C1orf116: variants seen among roughly 807,000 people sequenced by gnomAD.
C1orf116 encodes the protein specifically androgen-regulated gene protein.
A neutral mutation model predicts 14.1 loss-of-function variants in C1orf116; 12 were observed. The observed-to-expected ratio is 0.85, with a 90% CI of 0.54 to 1.38. The LOEUF (loss-of-function observed/expected upper bound fraction) is 1.38, where lower values mean the gene tolerates loss of function less well. Among genes scored for constraint, C1orf116 ranks in the 40% most tolerant of loss-of-function variants. The probability of loss-of-function intolerance (pLI) is 0.00; values close to 1 mark genes in which losing one functional copy is unlikely to be tolerated. For synonymous variants in C1orf116, 296 were observed against 299.0 expected (o/e 0.99, Z 0.10); for missense variants, 797 against 747.0 (o/e 1.07, Z -0.78).
Position 207,019,084 on chromosome 1 carries a change from G to C in C1orf116, c.*2874C>G, listed in dbSNP as rs1296298594. 6.6e-6 allele frequency: 1 copy of C among 152,296 alleles called. No individual in the cohort carries two copies. The highest frequency in any genetic ancestry group is 1.5e-5 in the Non-Finnish European group (1 of 68,096). 9.4% of individuals were successfully genotyped at this position (152,296 alleles called of 1,614,324 possible). A position where few individuals can be genotyped will look rare whatever the true frequency, so the allele number is the denominator to read the frequency against. ...ACAGCAGCCCATCCCCAGCCTACAG[G>C]GCGGCCCCTGCCAGATCATGCTTCC... On this transcript the variant is annotated 3_prime_UTR_variant, in exon 4 of 4. Transcript: ENST00000359470.
At chr1:207,027,714 G>A (rs1347303915) in intron 1 of C1orf116, 35 bp from the exon 2 acceptor site, 9 of 1,489,434 alleles carry the variant, frequency 6.0e-6, no homozygotes, top group East Asian at 4.9e-5. Context: ...CACATGAGCC[G>A]AGGCTTCGGC....
rs370574633 is a variant in C1orf116, at chr1:207,021,927, G to T, written c.*31C>A. The T allele has an allele frequency of 1.1e-5, 17 of 1,482,686 alleles. No individual in the cohort carries two copies. The African/African-American group carries it at 2.0e-4, about 17-fold the overall frequency. 91.8% of individuals were successfully genotyped at this position (1,482,686 alleles called of 1,614,324 possible). On this transcript the variant is annotated 3_prime_UTR_variant, in exon 4 of 4. Transcript: ENST00000359470. Reference sequence around the variant, plus strand: ...TGGAGCATGTGTCTCTTCTTGTTCAGCCAGGACAGGGTCTGTACTGGTCGC... The same window carrying T: ...TGGAGCATGTGTCTCTTCTTGTTCATCCAGGACAGGGTCTGTACTGGTCGC...
At chr1:207,024,841 A>T in intron 3 of C1orf116, 46 bp downstream of exon 3, 3 of 1,591,536 alleles carry the variant, frequency 1.9e-6, no homozygotes, top group East Asian at 4.5e-5. Flanking sequence ...GGACATATTG[A>T]TTTTCTGGGT....
At chr1:207,027,056 G>A (rs945440056) in intron 2 of C1orf116, among the ~76,000 whole-genome samples, 1 of 152,202 alleles carries the variant, frequency 6.6e-6, no homozygotes, top group Non-Finnish European at 1.5e-5. Context: ...CTTATAAGTA[G>A]AGAACTTAAA....
At chr1:207,025,101 CG>C (rs751328900) in intron 2 of C1orf116, 37 bp from the exon 3 acceptor site, 4 of 4,298 alleles carry the variant, frequency 9.3e-4, no homozygotes, top group African/African-American at 3.9e-3. Context: ...GGCGGGGAGG[CG>C]GGGGGGAGGG....
rs1223872168 is a variant in C1orf116, at chr1:207,021,841, T to A, written c.*117A>T. 1 of 1,043,062 alleles carries A rather than the reference T, an allele frequency of 9.6e-7. No individual in the cohort carries two copies. The highest frequency in any genetic ancestry group is 1.6e-5 in the African/African-American group (1 of 63,214). The allele number at this position is 1,043,062 out of a possible 1,614,324, so 64.6% of individuals were successfully genotyped here. A position where few individuals can be genotyped will look rare whatever the true frequency, so the allele number is the denominator to read the frequency against. On this transcript the variant is annotated 3_prime_UTR_variant, in exon 4 of 4. Coordinates refer to ENST00000359470, the MANE Select transcript of C1orf116 (RefSeq NM_023938.6). Reference sequence around the variant, plus strand: ...ACTGAATATAAATGTATGCTTGGACTCAAATCTCTCCCTCCCATTCATCTT... The same window carrying A: ...ACTGAATATAAATGTATGCTTGGACACAAATCTCTCCCTCCCATTCATCTT...
In C1orf116 at chr1:207,022,588, C is replaced by G; in HGVS notation, c.1176G>C (p.Gln392His). The G allele has an allele frequency of 6.2e-7, 1 of 1,614,178 alleles. No homozygotes were observed. The highest frequency in any genetic ancestry group is 8.5e-7 in the Non-Finnish European group (1 of 1,180,034). The change falls in exon 4 of 4, where the codon CAG becomes CAC. Residue 392 changes from glutamine (Q) to histidine (H), a missense_variant. By Grantham distance (24) the Gln-to-His change is conservative. Coordinates refer to ENST00000359470, the MANE Select transcript of C1orf116 (RefSeq NM_023938.6). Reference sequence around the variant, plus strand: ...CTGAGGCCTGGGCTGGAGCTGCAGGCTGAGCCAGACCTGGAGCTGGGGACA... The same window carrying G: ...CTGAGGCCTGGGCTGGAGCTGCAGGGTGAGCCAGACCTGGAGCTGGGGACA... Reference protein sequence around the residue: ...QHLSPAPGLAQPAAPAQASAA... With the variant: ...QHLSPAPGLAHPAAPAQASAA...
rs936873587 is a variant in C1orf116, at chr1:207,019,539, T to C, written c.*2419A>G. ...GAGAAATCCTATGTGGATACACAGATACAATGACCTCAGCTCTGTCTAGCA... is the reference window on the plus strand; with the variant it reads ...GAGAAATCCTATGTGGATACACAGACACAATGACCTCAGCTCTGTCTAGCA... On this transcript the variant is annotated 3_prime_UTR_variant, in exon 4 of 4. Coordinates refer to ENST00000359470, the MANE Select transcript of C1orf116 (RefSeq NM_023938.6). 5 of 152,236 alleles carry C rather than the reference T, an allele frequency of 3.3e-5. No homozygotes were observed. Among genetic ancestry groups the C allele is most frequent in the African/African-American group, 1.2e-4 (5 of 41,460 alleles). 9.4% of individuals were successfully genotyped at this position (152,236 alleles called of 1,614,324 possible).
Position 207,023,182 on chromosome 1 carries a change from G to A in C1orf116, c.582C>T (p.Asp194=), listed in dbSNP as rs145664914. The part of the protein sequence containing the change: ...ASPQEAALDL[D]VVLIPPPEAF... ...CTTCTGGCGGAGGGATGAGCACCAC[G>A]TCCAAGTCAAGGGCAGCCTCCTGGG... is the stretch of plus-strand genomic sequence containing the variant. The change falls in exon 4 of 4, where the codon GAC becomes GAT. Residue 194 remains aspartate (D), a synonymous_variant. Transcript: ENST00000359470. 1.6e-5 allele frequency: 26 copies of A among 1,609,318 alleles called. 1 individual carries two copies. The highest frequency in any genetic ancestry group is 3.3e-4 in the Middle Eastern group (2 of 6,032).
chr1:207,021,931 G>A lies in C1orf116; in HGVS notation c.*27C>T. ...GCATGTGTCTCTTCTTGTTCAGCCA[G>A]GACAGGGTCTGTACTGGTCGCAGAG... On this transcript the variant is annotated 3_prime_UTR_variant, in exon 4 of 4. Coordinates refer to ENST00000359470, the MANE Select transcript of C1orf116 (RefSeq NM_023938.6). The A allele has an allele frequency of 6.7e-7, 1 of 1,490,030 alleles. No individual in the cohort carries two copies. Among genetic ancestry groups the A allele is most frequent in the Middle Eastern group, 1.8e-4 (1 of 5,500 alleles). The allele number at this position is 1,490,030 out of a possible 1,614,324, so 92.3% of individuals were successfully genotyped here. A position where few individuals can be genotyped will look rare whatever the true frequency, so the allele number is the denominator to read the frequency against.
rs952361653 is a variant in C1orf116 at position 207,025,197 on chromosome 1, A to G, written c.106-133T>C. 4.5e-6 allele frequency: 3 copies of G among 663,418 alleles called. No individual in the cohort carries two copies. In the African/African-American group the frequency reaches 5.4e-5, roughly 12 times the overall value. 41.1% of individuals were successfully genotyped at this position (663,418 alleles called of 1,614,324 possible). A position where few individuals can be genotyped will look rare whatever the true frequency, so the allele number is the denominator to read the frequency against. ...TGGCGGGGCCTGAGAACCACCCTGC[A>G]GAGAGGAAGGAATGCTGAAGAGCTG... is the stretch of plus-strand genomic sequence containing the variant. On this transcript the variant is annotated intron_variant, in intron 2 of 3. Transcript: ENST00000359470.
In C1orf116 at chr1:207,023,312, G is replaced by T; in HGVS notation, c.452C>A (p.Thr151Asn). The T allele has an allele frequency of 6.2e-7, 1 of 1,614,220 alleles. No homozygotes were observed. Among genetic ancestry groups the T allele is most frequent in the Non-Finnish European group, 8.5e-7 (1 of 1,180,014 alleles). ...ARSQNFRKST[T>N]QASSHNPGEP... ...TCCAGGGTTGTGACTGCTAGCCTGG[G>T]TGGTGCTTTTCCTGAAGTTCTGGCT... Residue 151 changes from threonine to asparagine, a missense_variant, in exon 4 of 4, where the codon ACC becomes AAC. Transcript: ENST00000359470.
chr1:207,027,767 C>A (rs1468931212), intron 1 of C1orf116, 88 bp from the exon 2 acceptor site: 5 of 1,378,500 alleles, frequency 3.6e-6, no homozygotes, highest in African/African-American at 1.5e-5. Flanking sequence ...GGAAGGACAC[C>A]AAGCAAGCAG....
rs751064923 is a variant in C1orf116, at chr1:207,022,446, A to G, written c.1318T>C (p.Ser440Pro). The G allele has an allele frequency of 6.2e-7, 1 of 1,614,154 alleles. No homozygotes were observed. The highest frequency in any genetic ancestry group is 2.2e-5 in the East Asian group (1 of 44,880). Residue 440 changes from serine (S) to proline (P), a missense_variant, in exon 4 of 4, where the codon TCT becomes CCT. Transcript: ENST00000359470. The part of the protein sequence containing the change: ...PAPGNVAASK[S>P]MPISIPKAPR... ...GCCTTAGGGATAGAAATTGGCATAG[A>G]TTTGCTAGCTGCAACATTGCCTGGA...
At position 207,022,344 on chromosome 1, in the gene C1orf116, G is replaced by T; in HGVS notation, c.1420C>A (p.Leu474Met). 3 of 1,614,030 alleles carry T rather than the reference G, an allele frequency of 1.9e-6. No homozygotes were observed. The South Asian group carries it at 3.3e-5, about 18-fold the overall frequency. The change falls in exon 4 of 4, where the codon CTG becomes ATG. Residue 474 changes from leucine (L) to methionine (M), a missense_variant. Transcript: ENST00000359470. Reference protein sequence around the residue: ...LTLQESNTPGLRQMNFKSNTL... With the variant: ...LTLQESNTPGMRQMNFKSNTL... ...TTGGACTTGAAGTTCATCTGTCTCA[G>T]GCCAGGGGTGTTGCTCTCCTGGAGA...
intron 2 of C1orf116, among the ~76,000 whole-genome samples, chr1:207,025,593 G>A (rs947178302): frequency 6.6e-6 from 1 of 152,170 alleles, no homozygotes; most frequent in Admixed American, 6.5e-5. Flanking sequence ...ATGAGGAAAA[G>A]CAGGAAATGA....
rs1451030000 is a variant in C1orf116, at chr1:207,021,415, C to T, written c.*543G>A. 1 of 152,568 alleles carries T rather than the reference C, an allele frequency of 6.6e-6. No homozygotes were observed. Among genetic ancestry groups the T allele is most frequent in the Non-Finnish European group, 1.5e-5 (1 of 68,064 alleles). 9.5% of individuals were successfully genotyped at this position (152,568 alleles called of 1,614,324 possible). ...AGATAACGAATCAGCTCCTCTTAGCCCAGGCCTTGTCCAGAAGGCTGGAAC... is the reference window on the plus strand; with the variant it reads ...AGATAACGAATCAGCTCCTCTTAGCTCAGGCCTTGTCCAGAAGGCTGGAAC... On this transcript the variant is annotated 3_prime_UTR_variant, in exon 4 of 4. Coordinates refer to ENST00000359470, the MANE Select transcript of C1orf116 (RefSeq NM_023938.6).
At chr1:207,027,473 G>A (rs375946459) in intron 2 of C1orf116, 21 bp downstream of exon 2, 96 of 1,613,354 alleles carry the variant, frequency 6.0e-5, no homozygotes, top group Non-Finnish European at 7.3e-5. Context: ...ACCAGGTTGC[G>A]GGAGGGAGAG....
chr1:207,025,525 A>G (rs1156626114), intron 2 of C1orf116, among the ~76,000 whole-genome samples: 2 of 152,212 alleles, frequency 1.3e-5, no homozygotes, highest in Non-Finnish European at 2.9e-5. Flanking sequence ...CTTCAGTGGT[A>G]TTGCTTTTAA....
Sources: gnomAD v4.1 joint callset for allele counts (sites outside exome capture counted in the v4.1 genomes callset) on GRCh38, gnomAD v4.1.1 for gene constraint, MANE v1.5 for transcripts, NCBI Gene and HGNC (gene_info 2026-07-23, HGNC 2026-07-21) for gene names.